Variants in BMPR2 observed in about 807,000 individuals in gnomAD.
BMPR2 encodes the protein bone morphogenetic protein receptor type-2.
Under a neutral mutation model 100.8 loss-of-function variants are expected in BMPR2, and 29 were observed. That is an observed-to-expected ratio of 0.29 (90% CI 0.21 to 0.39). The LOEUF (loss-of-function observed/expected upper bound fraction) is 0.39, where lower values mean the gene tolerates loss of function less well. Among genes scored for constraint, BMPR2 ranks in the 10% least tolerant of loss-of-function variants. The pLI, the probability that BMPR2 is intolerant of heterozygous loss-of-function variation, is 1.00. For missense variants in BMPR2, 1,011 were observed against 1,274.5 expected (o/e 0.79, Z 3.15); for synonymous variants, 382 against 442.3 (o/e 0.86, Z 1.71).
At chr2:202,510,731 A>T (rs12986812) in intron 3 of BMPR2, among the ~76,000 whole-genome samples, 18,077 of 151,596 alleles carry the variant, frequency 0.12, 1,195 homozygotes, top group Admixed American at 0.14. Flanking sequence ...CCCAGGCTGG[A>T]GTGCAATGGC....
chr2:202,389,509 AG>A (rs1318874081), intron 1 of BMPR2, among the ~76,000 whole-genome samples: 9 of 144,870 alleles, frequency 6.2e-5, no homozygotes, highest in Non-Finnish European at 1.1e-4. Flanking sequence ...CCTGGGCGAC[AG>A]AGTAAGATTC....
intron 1 of BMPR2, among the ~76,000 whole-genome samples, chr2:202,463,364 G>C (rs974656397): frequency 1.3e-5 from 2 of 152,130 alleles, no homozygotes; most frequent in African/African-American, 4.8e-5. Flanking sequence ...TTAAACTATT[G>C]ATAAAAGACC....
intron 1 of BMPR2, among the ~76,000 whole-genome samples, chr2:202,402,836 T>TC (rs1169840653): frequency 6.6e-6 from 1 of 151,720 alleles, no homozygotes; most frequent in East Asian, 2.0e-4. Flanking sequence ...GCTAATTTTT[T>TC]TTTTTTTTTG....
At position 202,393,882 on chromosome 2, in the gene BMPR2, CGAGAGAGAGAGAGAGA is replaced by C. The variant is rs56708616; in HGVS notation, c.76+16369_76+16384del. On this transcript the variant is annotated intron_variant, in intron 1 of 12. Transcript: ENST00000374580. ...GCATCTAATTAAGGTAATGAGAGAG[CGAGAGAGAGAGAGAGA>C]GAGAGAGAGAGAGAGAGAGAGAGAG... Among the ~76,000 whole-genome samples the C allele has an allele frequency of 9.6e-3, 941 of 97,940 alleles. 9 individuals carry two copies. Among genetic ancestry groups the C allele is most frequent in the African/African-American group, 0.015 (423 of 28,042 alleles). The allele number at this position is 97,940 out of a possible 152,430, so 64.3% of individuals were successfully genotyped here. A position where few individuals can be genotyped will look rare whatever the true frequency, so the allele number is the denominator to read the frequency against.
chr2:202,511,377 T>G (rs1172131286), intron 3 of BMPR2, among the ~76,000 whole-genome samples: 1 of 152,238 alleles, frequency 6.6e-6, no homozygotes, highest in Non-Finnish European at 1.5e-5. Context: ...AACATGCATG[T>G]AGAAGTTTTT....
intron 1 of BMPR2, among the ~76,000 whole-genome samples, chr2:202,432,023 AG>A (rs1309129467): frequency 6.6e-6 from 1 of 150,582 alleles, no homozygotes; most frequent in Non-Finnish European, 1.5e-5. Flanking sequence ...TATTAAGTAT[AG>A]GTATGTGTGT....
chr2:202,440,801 C>T (rs540883603), intron 1 of BMPR2, among the ~76,000 whole-genome samples: 32 of 149,860 alleles, frequency 2.1e-4, no homozygotes, highest in Admixed American at 5.3e-4. Context: ...CCGGGGAGAC[C>T]GGGGAGACTG....
intron 1 of BMPR2, among the ~76,000 whole-genome samples, chr2:202,377,768 C>T (rs1303585335): frequency 6.6e-6 from 1 of 152,238 alleles, no homozygotes; most frequent in Non-Finnish European, 1.5e-5. Context: ...TCCATATTCC[C>T]ACCCCACCCC....
chr2:202,436,454 AAAAC>A (rs1691617098), intron 1 of BMPR2, among the ~76,000 whole-genome samples: 1 of 150,592 alleles, frequency 6.6e-6, no homozygotes, highest in African/African-American at 2.5e-5. Flanking sequence ...TCAAGAAAAA[AAAAC>A]AACAACAGCA....
intron 1 of BMPR2, among the ~76,000 whole-genome samples, chr2:202,437,264 A>C (rs765439629): frequency 4.0e-5 from 6 of 150,488 alleles, no homozygotes; most frequent in Non-Finnish European, 4.4e-5. Context: ...TCTGCCTTCC[A>C]AAGTGCTGGG....
chr2:202,427,041 A>G (rs1574442737), intron 1 of BMPR2, among the ~76,000 whole-genome samples: 1 of 152,218 alleles, frequency 6.6e-6, no homozygotes. Flanking sequence ...GTATATTTAG[A>G]TGGAATCTAG....
At chr2:202,470,724 A>G (rs1204045274) in intron 3 of BMPR2, among the ~76,000 whole-genome samples, 2 of 148,822 alleles carry the variant, frequency 1.3e-5, no homozygotes, top group Non-Finnish European at 3.0e-5. Flanking sequence ...AGATTGCGCC[A>G]CTGCAGTCCG....
At chr2:202,487,132 T>C (rs1692794610) in intron 3 of BMPR2, among the ~76,000 whole-genome samples, 1 of 152,234 alleles carries the variant, frequency 6.6e-6, no homozygotes, top group African/African-American at 2.4e-5. Flanking sequence ...AATTATGTTC[T>C]GAAAATAAAA....
chr2:202,555,272 G>T lies in BMPR2; in HGVS notation c.1607G>T (p.Arg536Leu), dbSNP rs201440272. Reference protein sequence around the residue: ...QNERNLSHNRRVPKIGPYPDY... With the variant: ...QNERNLSHNRLVPKIGPYPDY... ...TTAAGCAACCTGTCACATAATAGGC[G>T]TGTGCCAAAAATTGGTCCTTATCCA... The change falls in exon 12 of 13, where the codon CGT becomes CTT. Residue 536 changes from arginine to leucine, a missense_variant. By Grantham distance (102) the Arg-to-Leu change is moderately radical. This residue lies in a region of BMPR2 where 508 missense variants were observed against 552.0 expected (regional missense o/e 0.92). Coordinates refer to ENST00000374580, the MANE Select transcript of BMPR2 (RefSeq NM_001204.7). 1.9e-6 allele frequency: 3 copies of T among 1,614,002 alleles called. No homozygotes were observed. The highest frequency in any genetic ancestry group is 2.2e-5 in the East Asian group (1 of 44,886).
rs181406010 is a variant in BMPR2, at chr2:202,541,714, A to C, written c.1277-597A>C. ...TAAACATAATAGTCTTTTTTCCCTG[A>C]ATTTAGTAATACCAGAAACCATTTA... On this transcript the variant is annotated intron_variant, in intron 9 of 12. Transcript: ENST00000374580. 2.9e-3 allele frequency among the ~76,000 whole-genome samples: 441 copies of C among 152,282 alleles called. 1 individual carries two copies. Among genetic ancestry groups the C allele is most frequent in the African/African-American group, 0.01 (420 of 41,552 alleles).
intron 3 of BMPR2, among the ~76,000 whole-genome samples, chr2:202,485,608 G>A (rs1011006374): frequency 3.1e-5 from 4 of 130,304 alleles, no homozygotes; most frequent in Non-Finnish European, 4.7e-5. Context: ...GTGTAGTGGT[G>A]TGATCTCAGC....
chr2:202,476,268 C>T (rs1692550020), intron 3 of BMPR2, among the ~76,000 whole-genome samples: 1 of 152,156 alleles, frequency 6.6e-6, no homozygotes, highest in East Asian at 1.9e-4. Flanking sequence ...CCATGTGTCC[C>T]TCTCTTCCTG....
chr2:202,475,434 A>G lies in BMPR2; in HGVS notation c.418+7745A>G, dbSNP rs1692526894. ...ACAAAAATAAAAAATTAAAAAATAT[A>G]TATTAATGTAGAAGGCACAGGATAA... is the stretch of plus-strand genomic sequence containing the variant. On this transcript the variant is annotated intron_variant, in intron 3 of 12. Coordinates refer to ENST00000374580, the MANE Select transcript of BMPR2 (RefSeq NM_001204.7). Among the ~76,000 whole-genome samples, 4 of 152,216 alleles carry G rather than the reference A, an allele frequency of 2.6e-5. No homozygotes were observed. In the South Asian group the frequency reaches 8.3e-4, roughly 32 times the overall value.
intron 1 of BMPR2, among the ~76,000 whole-genome samples, chr2:202,408,721 G>A (rs142910161): frequency 6.6e-6 from 1 of 152,318 alleles, no homozygotes; most frequent in East Asian, 1.9e-4. Flanking sequence ...AGATTTGAAA[G>A]AAGCAGGAAA....
Sources: allele counts gnomAD v4.1 joint callset (sites outside exome capture counted in the v4.1 genomes callset), GRCh38; gene constraint gnomAD v4.1.1; regional missense constraint gnomAD v4.1.1; transcripts MANE v1.5; gene names NCBI Gene and HGNC (gene_info 2026-07-23, HGNC 2026-07-21).